IL1RAPL2: variants seen among roughly 807,000 people sequenced by gnomAD.
IL1RAPL2 encodes X-linked interleukin-1 receptor accessory protein-like 2.
In IL1RAPL2, 3 loss-of-function variants were observed where a neutral mutation model predicts 44.1. The ratio of observed to expected loss-of-function variants is 0.07; its 90% CI spans 0.03 to 0.18. IL1RAPL2 has a LOEUF of 0.18. Among genes scored for constraint, IL1RAPL2 ranks in the 10% least tolerant of loss-of-function variants. The probability of loss-of-function intolerance (pLI) is 1.00; values close to 1 mark genes in which losing one functional copy is unlikely to be tolerated. For missense variants in IL1RAPL2, 391 were observed against 496.4 expected, an observed-to-expected ratio of 0.79 and a Z score of 2.02; for synonymous variants, 181 against 178.8, an observed-to-expected ratio of 1.01 and a Z score of -0.10.
intron 2 of IL1RAPL2, among the ~76,000 whole-genome samples, chrX:104,834,822 C>A (rs1459511123): frequency 1.8e-5 from 2 of 111,628 alleles, no homozygotes; most frequent in Non-Finnish European, 3.8e-5. Context: ...GTTATTGCTG[C>A]AACTCCCTTC....
chrX:105,240,966 A>C lies in IL1RAPL2; in HGVS notation c.543+6962A>C, dbSNP rs1264308105. ...ATGAGAATGGCTTGAACACAAGGGG[A>C]GGGTGGGGAAAGGTTGCAGTGAGTG... On this transcript the variant is annotated intron_variant, in intron 4 of 10. Coordinates refer to ENST00000372582, the MANE Select transcript of IL1RAPL2 (RefSeq NM_017416.2). 6.3e-5 allele frequency among the ~76,000 whole-genome samples: 7 copies of C among 111,202 alleles called. No individual in the cohort carries two copies. The East Asian group carries it at 1.7e-3, about 27-fold the overall frequency.
chrX:105,554,478 T>C (rs1471127944), intron 6 of IL1RAPL2, among the ~76,000 whole-genome samples: 1 of 112,054 alleles, frequency 8.9e-6, no homozygotes, highest in East Asian at 2.8e-4. Context: ...TAATCAAATT[T>C]GGAAAACTTT....
rs140232300 is a variant in IL1RAPL2 at position 105,410,280 on chromosome X, A to G, written c.698-74033A>G. Among the ~76,000 whole-genome samples, 540 of 110,541 alleles carry G rather than the reference A, an allele frequency of 4.9e-3. 5 individuals are homozygous for G. Among genetic ancestry groups the G allele is most frequent in the African/African-American group, 0.017 (522 of 30,482 alleles). On this transcript the variant is annotated intron_variant, in intron 5 of 10. Coordinates refer to ENST00000372582, the MANE Select transcript of IL1RAPL2 (RefSeq NM_017416.2). ...TATATGTTATATAAAGTCATGAAGCAGAGGAGGAGAAGTTAGCAAATAGAA... is the reference window on the plus strand; with the variant it reads ...TATATGTTATATAAAGTCATGAAGCGGAGGAGGAGAAGTTAGCAAATAGAA...
At chrX:104,911,230 G>A in intron 2 of IL1RAPL2, among the ~76,000 whole-genome samples, 1 of 111,432 alleles carries the variant, frequency 9.0e-6, no homozygotes, top group Non-Finnish European at 1.9e-5. Context: ...TAACTGTCAA[G>A]AATTAAATGT....
intron 1 of IL1RAPL2, among the ~76,000 whole-genome samples, chrX:104,595,954 C>T (rs1928756271): frequency 9.1e-6 from 1 of 109,431 alleles, no homozygotes; most frequent in Non-Finnish European, 1.9e-5. Context: ...AAAAGCATTG[C>T]TTGAGACAAG....
At chrX:105,686,077 C>T (rs1168641356) in intron 6 of IL1RAPL2, among the ~76,000 whole-genome samples, 1 of 110,993 alleles carries the variant, frequency 9.0e-6, no homozygotes, top group East Asian at 2.8e-4. Flanking sequence ...AAGAAGCAAC[C>T]AGTACCAGAC....
chrX:105,531,098 C>A (rs769283835), intron 6 of IL1RAPL2, among the ~76,000 whole-genome samples: 12 of 111,825 alleles, frequency 1.1e-4, no homozygotes, highest in African/African-American at 3.9e-4. Flanking sequence ...TTATTCCCAG[C>A]AGTGGGATTG....
intron 5 of IL1RAPL2, among the ~76,000 whole-genome samples, chrX:105,329,108 A>AT: frequency 8.9e-6 from 1 of 112,149 alleles, no homozygotes; most frequent in Admixed American, 9.5e-5. Context: ...ATTAGAAAAT[A>AT]TTTTTCTGTG....
chrX:105,372,599 T>C (rs1439569105), intron 5 of IL1RAPL2, among the ~76,000 whole-genome samples: 1 of 111,117 alleles, frequency 9.0e-6, no homozygotes, highest in Non-Finnish European at 1.9e-5. Flanking sequence ...CTAATATCCA[T>C]TGGTCATTTT....
intron 6 of IL1RAPL2, among the ~76,000 whole-genome samples, chrX:105,596,236 GT>G (rs1264971765): frequency 1.9e-5 from 2 of 107,880 alleles, no homozygotes; most frequent in Non-Finnish European, 3.9e-5. Flanking sequence ...GGTAATATTT[GT>G]TTTTTTATTT....
At chrX:105,494,485 G>A (rs986563263) in intron 6 of IL1RAPL2, among the ~76,000 whole-genome samples, 1 of 111,559 alleles carries the variant, frequency 9.0e-6, no homozygotes, top group Non-Finnish European at 1.9e-5. Context: ...AGGTAGAAGG[G>A]TATTCTCATA....
At chrX:105,220,176 C>T (rs1345430318) in intron 3 of IL1RAPL2, 2 of 1,209,854 alleles carry the variant, frequency 1.7e-6, no homozygotes, top group Non-Finnish European at 2.2e-6. Context: ...AGCGCACTCC[C>T]AAGGCCAGGC....
chrX:105,017,601 C>G (rs1472408060), intron 2 of IL1RAPL2, among the ~76,000 whole-genome samples: 1 of 110,354 alleles, frequency 9.1e-6, no homozygotes, highest in Non-Finnish European at 1.9e-5. Flanking sequence ...GGACCCAAAA[C>G]CTTTCAGTGT....
In IL1RAPL2 at chrX:105,237,005, C is replaced by T. The variant is rs950437426; in HGVS notation, c.543+3001C>T. ...TGCTATCCCTCCCCCATCCCCCCAC[C>T]GCACAGCAGGACCCAGTGTGTGATG... On this transcript the variant is annotated intron_variant, in intron 4 of 10. Transcript: ENST00000372582. Among the ~76,000 whole-genome samples, 10 of 110,686 alleles carry T rather than the reference C, an allele frequency of 9.0e-5. No individual in the cohort carries two copies. The South Asian group carries it at 2.0e-3, about 22-fold the overall frequency.
At chrX:104,594,793 A>G (rs1928734604) in intron 1 of IL1RAPL2, among the ~76,000 whole-genome samples, 4 of 111,546 alleles carry the variant, frequency 3.6e-5, no homozygotes. Flanking sequence ...AAAAGTATCC[A>G]ACCATGTAAA....
At chrX:105,281,387 C>T (rs1206127357) in intron 5 of IL1RAPL2, among the ~76,000 whole-genome samples, 2 of 111,175 alleles carry the variant, frequency 1.8e-5, no homozygotes, top group African/African-American at 3.3e-5. Context: ...CAAAACTGCC[C>T]GTTCTGCACA....
chrX:104,827,398 T>G (rs780632656), intron 2 of IL1RAPL2, among the ~76,000 whole-genome samples: 12 of 111,376 alleles, frequency 1.1e-4, no homozygotes, highest in Non-Finnish European at 1.7e-4. Flanking sequence ...TAGTTTGGCT[T>G]CATATGAAAT....
intron 4 of IL1RAPL2, among the ~76,000 whole-genome samples, chrX:105,266,534 T>C (rs1428840875): frequency 8.9e-6 from 1 of 112,013 alleles, no homozygotes; most frequent in African/African-American, 3.2e-5. Flanking sequence ...CTGAATATTC[T>C]TACATACTTG....
At chrX:105,258,776 C>T (rs952044435) in intron 4 of IL1RAPL2, among the ~76,000 whole-genome samples, 2 of 112,100 alleles carry the variant, frequency 1.8e-5, no homozygotes, top group Admixed American at 9.5e-5. Flanking sequence ...TTAGCTCTCT[C>T]ATACCTGTTA....
Sources: allele counts gnomAD v4.1 joint callset (sites outside exome capture counted in the v4.1 genomes callset), GRCh38; gene constraint gnomAD v4.1.1; transcripts MANE v1.5; gene names NCBI Gene and HGNC (gene_info 2026-07-23, HGNC 2026-07-21).